Variants in DNAI2 observed in about 807,000 individuals in gnomAD.
DNAI2 encodes the protein dynein axonemal intermediate chain 2.
DNAI2 carries 63 observed loss-of-function variants against 74.7 expected under a neutral mutation model. The ratio of observed to expected loss-of-function variants is 0.84; its 90% CI spans 0.69 to 1.04. The LOEUF is 1.04. Among genes scored for constraint, DNAI2 ranks in the 50% least tolerant of loss-of-function variants. DNAI2 has a pLI of 0.00. For missense variants in DNAI2, 688 were observed against 803.2 expected (o/e 0.86, Z 1.73); for synonymous variants, 289 against 314.9 (o/e 0.92, Z 0.87).
intron 1 of DNAI2, among the ~76,000 whole-genome samples, chr17:74,279,458 C>T (rs2051273505): frequency 6.6e-6 from 1 of 152,060 alleles, no homozygotes; most frequent in Non-Finnish European, 1.5e-5. Flanking sequence ...TAAATATATA[C>T]ACCTACTATG....
At position 74,312,134 on chromosome 17, in the gene DNAI2, G is replaced by A. The variant is rs1357252118; in HGVS notation, c.1626G>A (p.Glu542=). The A allele has an allele frequency of 1.9e-6, 3 of 1,613,882 alleles. No homozygotes were observed. The highest frequency in any genetic ancestry group is 3.3e-5 in the Admixed American group (2 of 60,018). The part of the protein sequence containing the change: ...QTDEELAVDL[E]ALVSKAEEEF... Reference sequence around the variant, plus strand: ...ATGAGGAGCTGGCCGTAGACCTGGAGGCGCTGGTCAGCAAGGCCGAGGAGG... The same window carrying A: ...ATGAGGAGCTGGCCGTAGACCTGGAAGCGCTGGTCAGCAAGGCCGAGGAGG... Residue 542 remains glutamate, a synonymous_variant, in exon 12 of 14, where the codon GAG becomes GAA. Transcript: ENST00000311014.
At chr17:74,309,993 G>A in intron 10 of DNAI2, 24 bp from the exon 11 acceptor site, 1 of 1,613,656 alleles carries the variant, frequency 6.2e-7, no homozygotes, top group Non-Finnish European at 8.5e-7. Flanking sequence ...TCCTCTACCT[G>A]GGTCTGCCCG....
At position 74,299,716 on chromosome 17, in the gene DNAI2, A is replaced by C. The variant is rs1448501611; in HGVS notation, c.725-2A>C. The C allele has an allele frequency of 3.1e-6, 5 of 1,613,150 alleles. No homozygotes were observed. Among genetic ancestry groups the C allele is most frequent in the Non-Finnish European group, 4.2e-6 (5 of 1,179,960 alleles). On this transcript the variant is annotated splice_acceptor_variant, in intron 6 of 13. Coordinates refer to ENST00000311014, the MANE Select transcript of DNAI2 (RefSeq NM_023036.6). LOFTEE classifies it high-confidence loss of function. ...CTCCTTCTTCATCTCCTTCCTCACC[A>C]GCCTGCTGGGACACCCGAAAGGGCA...
chr17:74,294,299 T>TC (rs1491310886), intron 6 of DNAI2, among the ~76,000 whole-genome samples: 1 of 72,030 alleles, frequency 1.4e-5, no homozygotes, highest in Admixed American at 1.9e-4. Context: ...TTATCATTTC[T>TC]TTTTTTTTTT....
intron 7 of DNAI2, 36 bp from the exon 8 acceptor site, chr17:74,301,010 G>A (rs2144034515): frequency 6.2e-7 from 1 of 1,612,336 alleles, no homozygotes. Flanking sequence ...GAAATACAGG[G>A]CCTCGAAGTC....
At chr17:74,310,257 C>T (rs2053442241) in intron 11 of DNAI2, 94 bp downstream of exon 11, 1 of 1,488,530 alleles carries the variant, frequency 6.7e-7, no homozygotes, top group Non-Finnish European at 9.0e-7. Context: ...TGGCCCCGCC[C>T]TCCCACCCCC....
chr17:74,292,640 C>T (rs1328981776), intron 6 of DNAI2, among the ~76,000 whole-genome samples: 1 of 151,954 alleles, frequency 6.6e-6, no homozygotes, highest in African/African-American at 2.4e-5. Flanking sequence ...TGGTCTTAAA[C>T]TCCTGGGCTC....
chr17:74,285,346 G>A (rs2051653719), intron 3 of DNAI2, 145 bp downstream of exon 3: 2 of 1,087,510 alleles, frequency 1.8e-6, no homozygotes, highest in Non-Finnish European at 1.4e-6. Context: ...ACCTCAAGGA[G>A]CCTTCTGTCT....
chr17:74,309,758 G>A (rs1598341702), intron 10 of DNAI2: 1 of 636,600 alleles, frequency 1.6e-6, no homozygotes, highest in Non-Finnish European at 2.8e-6. Flanking sequence ...CACTGGCTGG[G>A]GCCACGGAAG....
At chr17:74,307,071 A>G (rs2053229537) in intron 9 of DNAI2, 2 of 324,436 alleles carry the variant, frequency 6.2e-6, no homozygotes, top group Non-Finnish European at 1.2e-5. Flanking sequence ...ACCTGGTTCG[A>G]TGTCCTCATT....
intron 1 of DNAI2, among the ~76,000 whole-genome samples, chr17:74,275,174 GA>G (rs2050989856): frequency 6.6e-6 from 1 of 152,186 alleles, no homozygotes; most frequent in South Asian, 2.1e-4. Context: ...GTGAATAAAA[GA>G]CCACAGTCTT....
At chr17:74,306,288 T>TC (rs1793397940) in intron 9 of DNAI2, among the ~76,000 whole-genome samples, 1 of 152,080 alleles carries the variant, frequency 6.6e-6, no homozygotes, top group Non-Finnish European at 1.5e-5. Context: ...GACTATCACA[T>TC]CCCCCTCCAT....
chr17:74,298,733 GCAGGCAGCCTCCCGAGTAA>G (rs776342494), intron 6 of DNAI2, among the ~76,000 whole-genome samples: 2 of 152,056 alleles, frequency 1.3e-5, no homozygotes, highest in Non-Finnish European at 2.9e-5. Flanking sequence ...CTCCCGAGTA[GCAGGCAGCCTCCCGAGTAA>G]CAGCCTCCCG....
intron 2 of DNAI2, among the ~76,000 whole-genome samples, chr17:74,284,659 G>A (rs1262249356): frequency 2.0e-5 from 3 of 152,098 alleles, no homozygotes; most frequent in Non-Finnish European, 2.9e-5. Context: ...TGATCTGCTC[G>A]CCTCGGCCTC....
At chr17:74,296,376 GGAGGGA>G (rs1452470042) in intron 6 of DNAI2, among the ~76,000 whole-genome samples, 1 of 108,484 alleles carries the variant, frequency 9.2e-6, no homozygotes, top group South Asian at 3.2e-4. Context: ...AAGGAGGGAG[GGAGGGA>G]GAGAGAGAGA....
chr17:74,301,216 C>T (rs1396983346), intron 8 of DNAI2, 48 bp downstream of exon 8: 2 of 1,609,948 alleles, frequency 1.2e-6, no homozygotes, highest in Non-Finnish European at 1.7e-6. Flanking sequence ...GACAGGGCAG[C>T]CAGGGCTAAA....
chr17:74,287,164 G>C, intron 4 of DNAI2, 66 bp downstream of exon 4: 1 of 1,598,380 alleles, frequency 6.3e-7, no homozygotes, highest in Non-Finnish European at 8.5e-7. Context: ...CGCCTCCAAA[G>C]GCAACTCCTT....
chr17:74,304,380 C>G (rs2053061811), intron 8 of DNAI2, among the ~76,000 whole-genome samples: 1 of 151,696 alleles, frequency 6.6e-6, no homozygotes, highest in South Asian at 2.1e-4. Context: ...CCTCCCCTAC[C>G]TCACTCAGCT....
intron 3 of DNAI2, 107 bp from the exon 4 acceptor site, chr17:74,286,870 G>A (rs894930076): frequency 6.8e-7 from 1 of 1,480,714 alleles, no homozygotes; most frequent in African/African-American, 1.4e-5. Context: ...TAGGTGGATG[G>A]GAAAAGCCCC....
Sources: allele counts gnomAD v4.1 joint callset (sites outside exome capture counted in the v4.1 genomes callset), GRCh38; gene constraint gnomAD v4.1.1; transcripts MANE v1.5; gene names NCBI Gene and HGNC (gene_info 2026-07-23, HGNC 2026-07-21).